DRC9: variants seen among roughly 807,000 people sequenced by gnomAD.
DRC9 encodes the protein dynein regulatory complex subunit 9, also known as dynein regulatory complex protein 9.
chr3:197,936,296 T>C, the DRC9 span, among the ~76,000 whole-genome samples: 1 of 152,222 alleles, frequency 6.6e-6, no homozygotes, highest in African/African-American at 2.4e-5. Flanking sequence ...AAGGAAAGCA[T>C]ACACAAGCTT....
chr3:197,921,526 T>G, the DRC9 span, among the ~76,000 whole-genome samples: 2 of 149,664 alleles, frequency 1.3e-5, no homozygotes, highest in Non-Finnish European at 3.0e-5. Context: ...GACTACTGGT[T>G]TTCAGTAACT....
chr3:197,913,922 T>C, the DRC9 span: 18 of 1,614,012 alleles, frequency 1.1e-5, no homozygotes, highest in South Asian at 2.0e-4. Flanking sequence ...CTGTTACACT[T>C]TTTCTGGGTC....
At chr3:197,955,226 TAGA>T in the DRC9 span, among the ~76,000 whole-genome samples, 1 of 152,130 alleles carries the variant, frequency 6.6e-6, no homozygotes, top group Admixed American at 6.5e-5. Context: ...ACTCTGTCTT[TAGA>T]AGAAGCAAAA....
the DRC9 span, chr3:197,951,710 T>G: frequency 4.5e-6 from 1 of 221,170 alleles, no homozygotes. Context: ...GGTATTGTTT[T>G]TTTGTTTTTG....
At chr3:197,933,440 TCAAAAAAACACAAAAAA>T in the DRC9 span, among the ~76,000 whole-genome samples, 1 of 151,946 alleles carries the variant, frequency 6.6e-6, no homozygotes, top group East Asian at 1.9e-4. Context: ...GACTCTTGTC[TCAAAAAAACACAAAAAA>T]CAAAAAAACC....
chr3:197,932,327 A>G, the DRC9 span: 1 of 1,597,114 alleles, frequency 6.3e-7, no homozygotes. Context: ...AGACCAACAA[A>G]AAATGAGTTA....
the DRC9 span, chr3:197,926,000 T>C: frequency 8.1e-7 from 1 of 1,237,642 alleles, no homozygotes; most frequent in Non-Finnish European, 1.2e-6. Context: ...CGGTCACTTT[T>C]GGTGTTAAGC....
chr3:197,943,114 CAA>C, the DRC9 span, among the ~76,000 whole-genome samples: 1 of 152,252 alleles, frequency 6.6e-6, no homozygotes, highest in African/African-American at 2.4e-5. Flanking sequence ...TCAATGACAA[CAA>C]AGTCATTTTA....
chr3:197,935,432 C>CT, the DRC9 span, among the ~76,000 whole-genome samples: 50 of 140,726 alleles, frequency 3.6e-4, no homozygotes, highest in African/African-American at 1.3e-3. Context: ...GAACGAGACT[C>CT]TGTCTCCAAA....
the DRC9 span, among the ~76,000 whole-genome samples, chr3:197,940,831 T>C: frequency 6.6e-6 from 1 of 152,202 alleles, no homozygotes; most frequent in Non-Finnish European, 1.5e-5. Context: ...TGATTAAAGT[T>C]ACTATAATTA....
chr3:197,955,622 TA>T, the DRC9 span: 2 of 856,074 alleles, frequency 2.3e-6, no homozygotes, highest in South Asian at 1.3e-5. Context: ...CTGAAGGCTA[TA>T]AAAACTTTCC....
the DRC9 span, among the ~76,000 whole-genome samples, chr3:197,924,722 G>A: frequency 6.6e-6 from 1 of 152,142 alleles, no homozygotes; most frequent in Admixed American, 6.5e-5. Context: ...GTTTCAGCAT[G>A]TTGGCCAGGA....
At chr3:197,937,636 C>T in the DRC9 span, among the ~76,000 whole-genome samples, 3 of 152,124 alleles carry the variant, frequency 2.0e-5, no homozygotes, top group East Asian at 3.9e-4. Context: ...TCCACCACCA[C>T]GCCTGGCTAA....
chr3:197,928,225 C>T, the DRC9 span, among the ~76,000 whole-genome samples: 1 of 151,900 alleles, frequency 6.6e-6, no homozygotes, highest in Non-Finnish European at 1.5e-5. Flanking sequence ...TTTTTTCTTA[C>T]AAAACTAAGT....
At chr3:197,936,456 C>G in the DRC9 span, among the ~76,000 whole-genome samples, 4 of 152,146 alleles carry the variant, frequency 2.6e-5, no homozygotes, top group African/African-American at 9.7e-5. Flanking sequence ...CCTCAATTTC[C>G]TAGGCTCGGG....
At chr3:197,918,258 CTTTTTTTTTTTT>C in the DRC9 span, among the ~76,000 whole-genome samples, 1 of 60,296 alleles carries the variant, frequency 1.7e-5, no homozygotes, top group African/African-American at 6.4e-5. Flanking sequence ...TAATTTTTTG[CTTTTTTTTTTTT>C]TTTTTTTTTT....
the DRC9 span, chr3:197,891,445 C>A: frequency 6.5e-7 from 1 of 1,528,056 alleles, no homozygotes; most frequent in African/African-American, 1.4e-5. Context: ...TGGTTCTTTA[C>A]CTTTATAACG....
At chr3:197,916,809 C>A in the DRC9 span, among the ~76,000 whole-genome samples, 1 of 152,054 alleles carries the variant, frequency 6.6e-6, no homozygotes, top group East Asian at 1.9e-4. Flanking sequence ...GGTGTCCAAT[C>A]TTTTGGCTTC....
At chr3:197,926,478 T>C in the DRC9 span, among the ~76,000 whole-genome samples, 3 of 152,200 alleles carry the variant, frequency 2.0e-5, no homozygotes, top group Admixed American at 6.6e-5. Flanking sequence ...TTACATATTC[T>C]AACCCTCACA....
Sources: allele counts gnomAD v4.1 joint callset (sites outside exome capture counted in the v4.1 genomes callset), GRCh38; gene constraint gnomAD v4.1.1; transcripts MANE v1.5; gene names NCBI Gene and HGNC (gene_info 2026-07-23, HGNC 2026-07-21).